SORCS1: variants seen among roughly 807,000 people sequenced by gnomAD.
The protein encoded by SORCS1 is VPS10 domain-containing receptor SorCS1.
Under a neutral mutation model 146.1 loss-of-function variants are expected in SORCS1, and 60 were observed. That is an observed-to-expected ratio of 0.41 (90% CI 0.33 to 0.51). The LOEUF (loss-of-function observed/expected upper bound fraction) is 0.51. SORCS1 is among the 20% of genes least tolerant of loss of function. The pLI, the probability that SORCS1 is intolerant of heterozygous loss-of-function variation, is 0.21. For synonymous variants in SORCS1, 637 were observed against 584.0 expected, an observed-to-expected ratio of 1.09 and a Z score of -1.31; for missense variants, 1,352 against 1,487.6, an observed-to-expected ratio of 0.91 and a Z score of 1.50.
At chr10:106,928,500 G>A (rs1953206615) in intron 2 of SORCS1, among the ~76,000 whole-genome samples, 1 of 152,250 alleles carries the variant, frequency 6.6e-6, no homozygotes, top group Non-Finnish European at 1.5e-5. Flanking sequence ...TGCAAGCTGA[G>A]GGAGCCAGCT....
chr10:106,706,247 A>G (rs983856550), intron 8 of SORCS1, among the ~76,000 whole-genome samples: 4 of 152,070 alleles, frequency 2.6e-5, no homozygotes, highest in African/African-American at 9.6e-5. Flanking sequence ...AAGATGAAAG[A>G]AAGAAAAAGA....
chr10:107,073,634 C>T (rs1002805480), intron 1 of SORCS1, among the ~76,000 whole-genome samples: 1 of 152,100 alleles, frequency 6.6e-6, no homozygotes, highest in East Asian at 1.9e-4. Flanking sequence ...ATAAAGAAAG[C>T]GAGGCTCAGA....
intron 1 of SORCS1, 29 bp from the exon 2 acceptor site, chr10:106,956,609 G>C: frequency 2.5e-6 from 4 of 1,599,128 alleles, no homozygotes; most frequent in Non-Finnish European, 2.6e-6. Context: ...ATCATGGTTA[G>C]TCTCAAACAA....
chr10:107,163,880 A>G (rs749236833), intron 1 of SORCS1, 89 bp downstream of exon 1: 96 of 1,416,954 alleles, frequency 6.8e-5, no homozygotes, highest in Non-Finnish European at 8.5e-5. Context: ...CAGAAACCCT[A>G]TTTCCCCCCA....
intron 18 of SORCS1, among the ~76,000 whole-genome samples, chr10:106,642,312 C>G (rs1849124665): frequency 6.6e-6 from 1 of 152,168 alleles, no homozygotes; most frequent in Non-Finnish European, 1.5e-5. Context: ...CTTTTGCCCT[C>G]TCTGCATTAA....
At chr10:107,070,622 T>C (rs1343897186) in intron 1 of SORCS1, among the ~76,000 whole-genome samples, 1 of 152,196 alleles carries the variant, frequency 6.6e-6, no homozygotes, top group African/African-American at 2.4e-5. Flanking sequence ...ATAAAATCCA[T>C]TTCTTTTATT....
At chr10:106,755,385 A>G (rs1858558089) in intron 5 of SORCS1, among the ~76,000 whole-genome samples, 1 of 152,222 alleles carries the variant, frequency 6.6e-6, no homozygotes, top group Admixed American at 6.5e-5. Context: ...TTTCATCAGA[A>G]TGGGGATAAT....
intron 1 of SORCS1, among the ~76,000 whole-genome samples, chr10:107,130,381 T>C (rs564508862): frequency 6.4e-4 from 98 of 152,366 alleles, no homozygotes; most frequent in African/African-American, 2.1e-3. Flanking sequence ...ATACTTATAA[T>C]AGTTTTAAAG....
intron 17 of SORCS1, among the ~76,000 whole-genome samples, chr10:106,653,324 G>A (rs1363571886): frequency 6.6e-6 from 1 of 152,164 alleles, no homozygotes; most frequent in Non-Finnish European, 1.5e-5. Flanking sequence ...GTTTTATACT[G>A]TTGGGTCTGC....
chr10:106,977,505 C>T (rs1384178378), intron 1 of SORCS1, among the ~76,000 whole-genome samples: 1 of 151,658 alleles, frequency 6.6e-6, no homozygotes, highest in Non-Finnish European at 1.5e-5. Flanking sequence ...AACAGACAAT[C>T]ATCTGTGCTT....
At chr10:106,702,383 A>G (rs746601328) in intron 8 of SORCS1, among the ~76,000 whole-genome samples, 9 of 152,246 alleles carry the variant, frequency 5.9e-5, no homozygotes, top group Non-Finnish European at 1.2e-4. Flanking sequence ...GTGATTTACA[A>G]TGAATCTCTG....
Position 106,577,417 on chromosome 10 carries a change from TC to T in SORCS1, c.*2del, listed in dbSNP as rs761532348. 6.2e-7 allele frequency: 1 copy of T among 1,613,800 alleles called. No homozygotes were observed. The highest frequency in any genetic ancestry group is 8.5e-7 in the Non-Finnish European group (1 of 1,179,772). On this transcript the variant is annotated 3_prime_UTR_variant, in exon 26 of 26. Coordinates refer to ENST00000263054, the MANE Select transcript of SORCS1 (RefSeq NM_052918.5). ...GGTCGCCTGTAGCCTTTGGGGGTTTTCCTTAAATTGCATACTGTGCCCCAGC... is the reference window on the plus strand; with the variant it reads ...GGTCGCCTGTAGCCTTTGGGGGTTTTCTTAAATTGCATACTGTGCCCCAGC...
chr10:106,709,132 G>T, intron 7 of SORCS1, 91 bp downstream of exon 7: 2 of 904,456 alleles, frequency 2.2e-6, no homozygotes, highest in Non-Finnish European at 1.8e-6. Context: ...CTCTCTTTTT[G>T]ACTCTTAATG....
At chr10:107,065,510 C>CTCCTCTCCTCTCCTTCTT (rs71025577) in intron 1 of SORCS1, among the ~76,000 whole-genome samples, 4 of 86,360 alleles carry the variant, frequency 4.6e-5, no homozygotes, top group Non-Finnish European at 9.2e-5. Context: ...CTCCTCTCCT[C>CTCCTCTCCTCTCCTTCTT]TCTTTCTTTC....
At chr10:107,093,606 G>A (rs551387333) in intron 1 of SORCS1, among the ~76,000 whole-genome samples, 2 of 151,576 alleles carry the variant, frequency 1.3e-5, no homozygotes, top group South Asian at 4.2e-4. Context: ...CCGGGACAAG[G>A]AGGTTGCAGG....
At chr10:107,052,949 T>C (rs562319322) in intron 1 of SORCS1, among the ~76,000 whole-genome samples, 2 of 152,296 alleles carry the variant, frequency 1.3e-5, no homozygotes, top group South Asian at 4.1e-4. Context: ...TAGCCATTTT[T>C]ACTGAAAGCC....
At chr10:106,653,500 C>T (rs1233829588) in intron 17 of SORCS1, among the ~76,000 whole-genome samples, 1 of 152,168 alleles carries the variant, frequency 6.6e-6, no homozygotes, top group Non-Finnish European at 1.5e-5. Context: ...TTCAGTTTTG[C>T]AGGTTATGTA....
intron 1 of SORCS1, among the ~76,000 whole-genome samples, chr10:106,995,128 T>C (rs1465808898): frequency 6.6e-5 from 10 of 151,544 alleles, no homozygotes; most frequent in South Asian, 4.2e-4. Flanking sequence ...CTGGCTAACA[T>C]GGTGAAACCC....
intron 6 of SORCS1, among the ~76,000 whole-genome samples, chr10:106,710,505 T>C (rs187082622): frequency 5.3e-5 from 8 of 151,238 alleles, no homozygotes; most frequent in Non-Finnish European, 7.4e-5. Flanking sequence ...TACTTTACAA[T>C]TGAATCAGTT....
Sources: allele counts gnomAD v4.1 joint callset (sites outside exome capture counted in the v4.1 genomes callset), GRCh38; gene constraint gnomAD v4.1.1; transcripts MANE v1.5; gene names NCBI Gene and HGNC (gene_info 2026-07-23, HGNC 2026-07-21).